Variants in GRAMD1C observed in about 807,000 individuals in gnomAD.
GRAMD1C encodes the protein GRAM domain containing 1C.
GRAMD1C carries 89 observed loss-of-function variants against 97.8 expected under a neutral mutation model. The observed-to-expected ratio is 0.91, with a 90% CI of 0.77 to 1.09. The LOEUF is 1.09. Ranked by LOEUF, GRAMD1C falls within the 50% of genes least tolerant of loss-of-function variation. The probability of loss-of-function intolerance (pLI) is 0.00; values close to 1 mark genes in which losing one functional copy is unlikely to be tolerated. For synonymous variants in GRAMD1C, 256 were observed against 267.0 expected, an observed-to-expected ratio of 0.96 and a Z score of 0.40; for missense variants, 740 against 766.4, an observed-to-expected ratio of 0.97 and a Z score of 0.41.
intron 6 of GRAMD1C, among the ~76,000 whole-genome samples, chr3:113,892,760 G>A (rs1190172997): frequency 6.6e-6 from 1 of 152,074 alleles, no homozygotes; most frequent in Non-Finnish European, 1.5e-5. Context: ...AACAATTGAT[G>A]TTTTCTTGGT....
At chr3:113,921,102 C>T (rs1937032171) in intron 10 of GRAMD1C, among the ~76,000 whole-genome samples, 2 of 152,110 alleles carry the variant, frequency 1.3e-5, no homozygotes, top group South Asian at 2.1e-4. Flanking sequence ...TCTACTGTTC[C>T]CTTCTTTGCG....
At chr3:113,936,565 G>C in intron 14 of GRAMD1C, 123 bp downstream of exon 14, 2 of 600,402 alleles carry the variant, frequency 3.3e-6, no homozygotes, top group South Asian at 2.5e-5. Context: ...TTTGGATAAT[G>C]TTTATCAAAC....
chr3:113,830,659 TA>T (rs1459929524), intron 1 of GRAMD1C, among the ~76,000 whole-genome samples: 6 of 152,174 alleles, frequency 3.9e-5, no homozygotes, highest in Non-Finnish European at 8.8e-5. Flanking sequence ...AAAAGTACAG[TA>T]AAAATATTGT....
intron 9 of GRAMD1C, among the ~76,000 whole-genome samples, chr3:113,914,240 T>C (rs1936718319): frequency 6.6e-6 from 1 of 152,222 alleles, no homozygotes; most frequent in Non-Finnish European, 1.5e-5. Flanking sequence ...TGTGATTCAT[T>C]TCTACGCTGA....
intron 15 of GRAMD1C, 164 bp downstream of exon 15, chr3:113,938,307 C>T: frequency 2.4e-6 from 1 of 413,478 alleles, no homozygotes; most frequent in South Asian, 7.6e-5. Context: ...AGATTTTTAG[C>T]TTTATATATG....
intron 8 of GRAMD1C, among the ~76,000 whole-genome samples, chr3:113,904,713 A>G (rs1393862980): frequency 6.6e-6 from 1 of 152,184 alleles, no homozygotes; most frequent in Non-Finnish European, 1.5e-5. Flanking sequence ...TTGAGTAACA[A>G]TAGCTGCTTT....
rs75757222 is a variant in GRAMD1C at position 113,883,208 on chromosome 3, G to A, written c.540+376G>A. Among the ~76,000 whole-genome samples the A allele has an allele frequency of 4.0e-3, 601 of 152,098 alleles. 4 individuals are homozygous for A. The highest frequency in any genetic ancestry group is 0.014 in the African/African-American group (583 of 41,494). Reference sequence around the variant, plus strand: ...GTGGATTAAACACTGCAACCAAAAGGCAGAGATAGGCAGAATGAAAAAATA... The same window carrying A: ...GTGGATTAAACACTGCAACCAAAAGACAGAGATAGGCAGAATGAAAAAATA... On this transcript the variant is annotated intron_variant, in intron 6 of 17. Transcript: ENST00000358160.
intron 5 of GRAMD1C, among the ~76,000 whole-genome samples, chr3:113,877,741 T>A (rs1265547579): frequency 6.6e-6 from 1 of 152,168 alleles, no homozygotes; most frequent in African/African-American, 2.4e-5. Context: ...GACTTTAGTA[T>A]AATCTGTTTT....
At chr3:113,881,769 A>G (rs960275208) in intron 5 of GRAMD1C, among the ~76,000 whole-genome samples, 5 of 152,192 alleles carry the variant, frequency 3.3e-5, no homozygotes, top group Admixed American at 2.6e-4. Flanking sequence ...AGGGAACAGC[A>G]TGTATTGATT....
chr3:113,915,936 A>G (rs1277806131), intron 10 of GRAMD1C, 98 bp downstream of exon 10: 27 of 907,714 alleles, frequency 3.0e-5, no homozygotes, highest in Non-Finnish European at 4.5e-5. Flanking sequence ...GTGAGGAGGA[A>G]GAATTAGACA....
chr3:113,928,830 T>C (rs1290463622), intron 10 of GRAMD1C, among the ~76,000 whole-genome samples: 3 of 152,250 alleles, frequency 2.0e-5, no homozygotes, highest in African/African-American at 7.2e-5. Context: ...TGAATAATAT[T>C]CCATTGCATG....
At chr3:113,875,786 G>A in intron 4 of GRAMD1C, 199 bp downstream of exon 4, 1 of 424,492 alleles carries the variant, frequency 2.4e-6, no homozygotes, top group South Asian at 5.6e-5. Flanking sequence ...TTGAGCTCCA[G>A]TATAGTTAGA....
At chr3:113,853,712 T>C (rs1021787596) in intron 2 of GRAMD1C, among the ~76,000 whole-genome samples, 5 of 152,174 alleles carry the variant, frequency 3.3e-5, no homozygotes, top group African/African-American at 1.2e-4. Flanking sequence ...AGCATATAAC[T>C]AAACAAACAT....
chr3:113,844,950 A>C (rs1438902491), intron 2 of GRAMD1C: 2 of 195,232 alleles, frequency 1.0e-5, no homozygotes, highest in Non-Finnish European at 2.1e-5. Context: ...CTAATGTTAT[A>C]TAGAAACCAT....
At chr3:113,904,758 C>T (rs535976838) in intron 8 of GRAMD1C, among the ~76,000 whole-genome samples, 5 of 152,234 alleles carry the variant, frequency 3.3e-5, no homozygotes, top group African/African-American at 1.2e-4. Context: ...CAGTTAACTA[C>T]TAGGCATTAT....
At chr3:113,887,253 G>C (rs1935542354) in intron 6 of GRAMD1C, among the ~76,000 whole-genome samples, 2 of 151,492 alleles carry the variant, frequency 1.3e-5, no homozygotes, top group Non-Finnish European at 2.9e-5. Context: ...ACCACACCCA[G>C]CTAATTTTTG....
At chr3:113,934,963 C>T (rs537477615) in intron 13 of GRAMD1C, among the ~76,000 whole-genome samples, 1 of 152,138 alleles carries the variant, frequency 6.6e-6, no homozygotes, top group African/African-American at 2.4e-5. Context: ...AGGCTGGTCT[C>T]GAACTCCTGA....
At chr3:113,862,993 T>G (rs1483766439) in intron 2 of GRAMD1C, among the ~76,000 whole-genome samples, 1 of 152,204 alleles carries the variant, frequency 6.6e-6, no homozygotes, top group Non-Finnish European at 1.5e-5. Context: ...CTGGTGGGAA[T>G]GTAAAATGGT....
intron 13 of GRAMD1C, among the ~76,000 whole-genome samples, chr3:113,935,954 A>G (rs76754827): frequency 0.028 from 4,266 of 152,270 alleles, 197 homozygotes; most frequent in African/African-American, 0.095. Context: ...TAATGATCCA[A>G]TGTAAGTGGG....
Sources: allele counts gnomAD v4.1 joint callset (sites outside exome capture counted in the v4.1 genomes callset), GRCh38; gene constraint gnomAD v4.1.1; transcripts MANE v1.5; gene names NCBI Gene and HGNC (gene_info 2026-07-23, HGNC 2026-07-21).